NAMPT: variants seen among roughly 807,000 people sequenced by gnomAD.
NAMPT encodes the protein NAmPRTase.
Under a neutral mutation model 58.7 loss-of-function variants are expected in NAMPT, and 7 were observed. That is an observed-to-expected ratio of 0.12 (90% CI 0.07 to 0.22). The LOEUF (loss-of-function observed/expected upper bound fraction) is 0.22. Among genes scored for constraint, NAMPT ranks in the 10% least tolerant of loss-of-function variants. The probability of loss-of-function intolerance (pLI) is 1.00; values close to 1 mark genes in which losing one functional copy is unlikely to be tolerated. For missense variants in NAMPT, 271 were observed against 567.9 expected (o/e 0.48, Z 5.31); for synonymous variants, 145 against 198.1 (o/e 0.73, Z 2.25).
At chr7:106,280,236 C>T (rs979237669) in intron 1 of NAMPT, among the ~76,000 whole-genome samples, 6 of 151,994 alleles carry the variant, frequency 3.9e-5, no homozygotes, top group African/African-American at 7.3e-5. Context: ...AGGGGAACTA[C>T]GCCGATAAAT....
chr7:106,284,734 C>T (rs1792835326), intron 1 of NAMPT, 94 bp downstream of exon 1: 1 of 753,418 alleles, frequency 1.3e-6, no homozygotes, highest in Non-Finnish European at 1.8e-6. Context: ...CAGCCCCAGC[C>T]CCAACCCCAG....
chr7:106,281,071 G>A (rs1263451467), intron 1 of NAMPT, among the ~76,000 whole-genome samples: 1 of 150,020 alleles, frequency 6.7e-6, no homozygotes, highest in Non-Finnish European at 1.5e-5. Context: ...AACAGTAACT[G>A]GTATTATTTT....
At chr7:106,280,336 A>G (rs747718175) in intron 1 of NAMPT, among the ~76,000 whole-genome samples, 5 of 152,220 alleles carry the variant, frequency 3.3e-5, no homozygotes, top group Non-Finnish European at 5.9e-5. Flanking sequence ...CCATTTATAG[A>G]GATGGGGAAG....
At position 106,248,760 on chromosome 7, in the gene NAMPT, C is replaced by A. The variant is rs1586007037; in HGVS notation, c.*2323G>T. 6.6e-6 allele frequency: 1 copy of A among 151,996 alleles called. No homozygotes were observed. The highest frequency in any genetic ancestry group is 2.4e-5 in the African/African-American group (1 of 41,382). The allele number at this position is 151,996 out of a possible 1,614,324, so 9.4% of individuals were successfully genotyped here. ...TTTGCTTTTGTCTGGAAGATTTAGA[C>A]TGATTTAAGGGTGACACACAGCAGA... is the stretch of plus-strand genomic sequence containing the variant. On this transcript the variant is annotated 3_prime_UTR_variant, in exon 11 of 11. Coordinates refer to ENST00000222553, the MANE Select transcript of NAMPT (RefSeq NM_005746.3).
Position 106,249,774 on chromosome 7 carries a change from AC to A in NAMPT, c.*1308del, listed in dbSNP as rs1200023261. 2 of 152,048 alleles carry A rather than the reference AC, an allele frequency of 1.3e-5. No individual in the cohort carries two copies. Among genetic ancestry groups the A allele is most frequent in the African/African-American group, 4.8e-5 (2 of 41,418 alleles). 9.4% of individuals were successfully genotyped at this position (152,048 alleles called of 1,614,324 possible). A position where few individuals can be genotyped will look rare whatever the true frequency, so the allele number is the denominator to read the frequency against. ...TTGGCCTTTGGGCTATAGTTGGCCA[AC>A]CGCTGCCTCAGAAGAACAGATCTAC... is the stretch of plus-strand genomic sequence containing the variant. On this transcript the variant is annotated 3_prime_UTR_variant, in exon 11 of 11. Coordinates refer to ENST00000222553, the MANE Select transcript of NAMPT (RefSeq NM_005746.3).
At chr7:106,257,646 A>G (rs1792226547) in intron 8 of NAMPT, among the ~76,000 whole-genome samples, 1 of 151,838 alleles carries the variant, frequency 6.6e-6, no homozygotes, top group Non-Finnish European at 1.5e-5. Context: ...AAAATCGCAC[A>G]TACATTCCTA....
At chr7:106,278,170 CTG>C (rs761103266) in intron 1 of NAMPT, among the ~76,000 whole-genome samples, 2 of 152,070 alleles carry the variant, frequency 1.3e-5, no homozygotes, top group Non-Finnish European at 2.9e-5. Flanking sequence ...AAAGCCAATG[CTG>C]TCTTTGGGTA....
intron 6 of NAMPT, among the ~76,000 whole-genome samples, chr7:106,267,866 A>AAAAAAAACAAAAC (rs1792453451): frequency 3.0e-5 from 4 of 133,566 alleles, no homozygotes; most frequent in Non-Finnish European, 5.0e-5. Flanking sequence ...AAAAAAAAAA[A>AAAAAAAACAAAAC]AAAAAAAAAA....
chr7:106,270,787 T>C (rs750077432), intron 4 of NAMPT, among the ~76,000 whole-genome samples: 1 of 152,228 alleles, frequency 6.6e-6, no homozygotes, highest in Non-Finnish European at 1.5e-5. Flanking sequence ...CAGCCCTGGC[T>C]GAACCCTCAG....
chr7:106,277,830 C>T (rs2115824921), intron 1 of NAMPT, among the ~76,000 whole-genome samples: 1 of 152,274 alleles, frequency 6.6e-6, no homozygotes, highest in South Asian at 2.1e-4. Context: ...TCTTCCTTAG[C>T]ACAAATTTCT....
intron 1 of NAMPT, among the ~76,000 whole-genome samples, chr7:106,278,248 C>A (rs576888056): frequency 6.6e-6 from 1 of 152,162 alleles, no homozygotes; most frequent in Non-Finnish European, 1.5e-5. Context: ...GTACAAGAAT[C>A]CTAAGATGAA....
intron 7 of NAMPT, among the ~76,000 whole-genome samples, 176 bp from the exon 8 acceptor site, chr7:106,261,883 G>A (rs906955713): frequency 6.6e-6 from 1 of 151,880 alleles, no homozygotes; most frequent in African/African-American, 2.4e-5. Context: ...ACTTTAAAGG[G>A]TTAAAGTACA....
chr7:106,277,782 T>TAAAC (rs1226629277), intron 1 of NAMPT, among the ~76,000 whole-genome samples: 3 of 152,218 alleles, frequency 2.0e-5, no homozygotes, highest in African/African-American at 4.8e-5. Context: ...AATAAATTCT[T>TAAAC]AAACATCAAA....
upstream of NAMPT, chr7:106,285,615 T>G: frequency 1.0e-6 from 1 of 985,786 alleles, no homozygotes; most frequent in Non-Finnish European, 1.2e-6. Flanking sequence ...CTCCTGACCC[T>G]GTCTTTAAGA....
chr7:106,262,140 T>C lies in NAMPT; in HGVS notation c.970-433A>G, dbSNP rs568346715. Among the ~76,000 whole-genome samples the C allele has an allele frequency of 1.2e-4, 18 of 152,234 alleles. No individual in the cohort carries two copies. The South Asian group carries it at 1.2e-3, about 11-fold the overall frequency. On this transcript the variant is annotated intron_variant, in intron 7 of 10. Coordinates refer to ENST00000222553, the MANE Select transcript of NAMPT (RefSeq NM_005746.3). ...TTTTGTCTGATATATAACTCCAATATGAATCCAGTTCAATCACAAAGTTCA... is the reference window on the plus strand; with the variant it reads ...TTTTGTCTGATATATAACTCCAATACGAATCCAGTTCAATCACAAAGTTCA...
rs535849812 is a variant in NAMPT, at chr7:106,270,237, C to G, written c.448-925G>C. On this transcript the variant is annotated intron_variant, in intron 4 of 10. Coordinates refer to ENST00000222553, the MANE Select transcript of NAMPT (RefSeq NM_005746.3). ...GAAATTCACTTCTTCATTCTAAGATCATAATTTTCTATTTTCATTTTATAA... is the reference window on the plus strand; with the variant it reads ...GAAATTCACTTCTTCATTCTAAGATGATAATTTTCTATTTTCATTTTATAA... The G allele has an allele frequency of 1.0e-5, 4 of 382,824 alleles. No individual in the cohort carries two copies. In the East Asian group the frequency reaches 2.6e-4, roughly 25 times the overall value. The allele number at this position is 382,824 out of a possible 1,614,324, so 23.7% of individuals were successfully genotyped here. A position where few individuals can be genotyped will look rare whatever the true frequency, so the allele number is the denominator to read the frequency against.
In NAMPT at chr7:106,250,792, T is replaced by C; in HGVS notation, c.*291A>G. 3.2e-6 allele frequency: 1 copy of C among 314,092 alleles called. No homozygotes were observed. Among genetic ancestry groups the C allele is most frequent in the Non-Finnish European group, 5.8e-6 (1 of 171,692 alleles). 19.5% of individuals were successfully genotyped at this position (314,092 alleles called of 1,614,324 possible). A position where few individuals can be genotyped will look rare whatever the true frequency, so the allele number is the denominator to read the frequency against. ...CTGTTTTATGTGATCATCAGTTATA[T>C]ATAAAAGTTTCTCAGTTCTGTTATT... On this transcript the variant is annotated 3_prime_UTR_variant, in exon 11 of 11. Coordinates refer to ENST00000222553, the MANE Select transcript of NAMPT (RefSeq NM_005746.3).
At chr7:106,275,118 A>C in intron 2 of NAMPT, 69 bp from the exon 3 acceptor site, 1 of 948,830 alleles carries the variant, frequency 1.1e-6, no homozygotes, top group Admixed American at 2.2e-5. Flanking sequence ...ACTGTCACAG[A>C]CTTAATATCT....
At chr7:106,264,894 T>A (rs979290486) in intron 6 of NAMPT, among the ~76,000 whole-genome samples, 1 of 151,852 alleles carries the variant, frequency 6.6e-6, no homozygotes, top group Admixed American at 6.6e-5. Context: ...TTTTTTTTTT[T>A]AAAGGACTAG....
Sources: allele counts gnomAD v4.1 joint callset (sites outside exome capture counted in the v4.1 genomes callset), GRCh38; gene constraint gnomAD v4.1.1; transcripts MANE v1.5; gene names NCBI Gene and HGNC (gene_info 2026-07-23, HGNC 2026-07-21).